The following COG3 variants were observed in gnomAD, a reference collection of about 807,000 sequenced individuals.
The protein encoded by COG3 is component of oligomeric golgi complex 3.
Under a neutral mutation model 114.1 loss-of-function variants are expected in COG3, and 32 were observed. The ratio of observed to expected loss-of-function variants is 0.28; its 90% CI spans 0.21 to 0.38. COG3 has a LOEUF of 0.38. Among genes scored for constraint, COG3 ranks in the 10% least tolerant of loss-of-function variants. The probability of loss-of-function intolerance (pLI) is 1.00; values close to 1 mark genes in which losing one functional copy is unlikely to be tolerated. For synonymous variants in COG3, 352 were observed against 365.7 expected, an observed-to-expected ratio of 0.96 and a Z score of 0.43; for missense variants, 813 against 973.2, an observed-to-expected ratio of 0.84 and a Z score of 2.19.
chr13:45,491,433 T>C lies in COG3; in HGVS notation c.990T>C (p.Asp330=). Residue 330 remains aspartate (D), a synonymous_variant, in exon 10 of 23, where the codon GAT becomes GAC. Coordinates refer to ENST00000349995, the MANE Select transcript of COG3 (RefSeq NM_031431.4). ...KIPEYQQLLN[D]IHQCYLDQRE... ...TCAGATACCAACAACTGCTAAATGATATCCACCAGTGTTACCTTGATCAGC... is the reference window on the plus strand; with the variant it reads ...TCAGATACCAACAACTGCTAAATGACATCCACCAGTGTTACCTTGATCAGC... The C allele has an allele frequency of 6.2e-7, 1 of 1,611,426 alleles. No individual in the cohort carries two copies. Among genetic ancestry groups the C allele is most frequent in the Non-Finnish European group, 8.5e-7 (1 of 1,179,182 alleles).
chr13:45,524,619 C>T (rs896739797), intron 19 of COG3, among the ~76,000 whole-genome samples: 4 of 152,180 alleles, frequency 2.6e-5, no homozygotes, highest in African/African-American at 9.7e-5. Flanking sequence ...TTAATATTGA[C>T]GTAACAGTCC....
chr13:45,530,118 C>T (rs1873038193), intron 21 of COG3, among the ~76,000 whole-genome samples, 200 bp downstream of exon 21: 1 of 152,136 alleles, frequency 6.6e-6, no homozygotes, highest in Non-Finnish European at 1.5e-5. Context: ...GTCACTTTGT[C>T]TTAAGTTTTT....
intron 7 of COG3, among the ~76,000 whole-genome samples, chr13:45,483,779 A>G (rs904663054): frequency 1.3e-5 from 2 of 152,184 alleles, no homozygotes; most frequent in Non-Finnish European, 2.9e-5. Context: ...GCATAATTTA[A>G]ATTTTCTTCT....
At position 45,486,511 on chromosome 13, in the gene COG3, C is replaced by A; in HGVS notation, c.860C>A (p.Pro287His). 1 of 1,606,116 alleles carries A rather than the reference C, an allele frequency of 6.2e-7. No individual in the cohort carries two copies. Among genetic ancestry groups the A allele is most frequent in the Non-Finnish European group, 8.5e-7 (1 of 1,172,824 alleles). ...TTTCTTTAGGATCCTTCATCTGTAC[C>A]TAATGCAGACAATGCCTTCACATTA... is the stretch of plus-strand genomic sequence containing the variant. ...QLLKRDPSSV[P>H]NADNAFTLFY... Residue 287 changes from proline to histidine, a missense_variant, in exon 8 of 23, where the codon CCT becomes CAT. Physicochemically the swap from Pro to His is moderately conservative, Grantham distance 77 (BLOSUM62 -2). Transcript: ENST00000349995.
rs1341511725 is a variant in COG3, at chr13:45,536,645, A to G, written c.*1914A>G. Reference sequence around the variant, plus strand: ...TTCCTACCTTGTCCTCACGTGTCTGATACGTGTGTGCATTCCTTGAGGAAA... The same window carrying G: ...TTCCTACCTTGTCCTCACGTGTCTGGTACGTGTGTGCATTCCTTGAGGAAA... On this transcript the variant is annotated 3_prime_UTR_variant, in exon 23 of 23. Coordinates refer to ENST00000349995, the MANE Select transcript of COG3 (RefSeq NM_031431.4). 1 of 152,236 alleles carries G rather than the reference A, an allele frequency of 6.6e-6. No individual in the cohort carries two copies. Among genetic ancestry groups the G allele is most frequent in the African/African-American group, 2.4e-5 (1 of 41,456 alleles). The allele number at this position is 152,236 out of a possible 1,614,324, so 9.4% of individuals were successfully genotyped here. A position where few individuals can be genotyped will look rare whatever the true frequency, so the allele number is the denominator to read the frequency against.
chr13:45,524,373 C>T (rs1412870677), intron 19 of COG3, among the ~76,000 whole-genome samples: 1 of 152,104 alleles, frequency 6.6e-6, no homozygotes, highest in Non-Finnish European at 1.5e-5. Flanking sequence ...TTTTTGGATC[C>T]ACTTCTCTAT....
chr13:45,515,256 T>G (rs1324355235), intron 16 of COG3, among the ~76,000 whole-genome samples: 1 of 152,236 alleles, frequency 6.6e-6, no homozygotes, highest in South Asian at 2.1e-4. Flanking sequence ...AGTCACTGAT[T>G]ATGTTTATTA....
chr13:45,525,941 G>C (rs2137921076), intron 20 of COG3, among the ~76,000 whole-genome samples: 1 of 151,722 alleles, frequency 6.6e-6, no homozygotes. Flanking sequence ...TGAAAAATTG[G>C]CATGCACAGT....
At chr13:45,518,591 G>A (rs1190416188) in intron 17 of COG3, among the ~76,000 whole-genome samples, 171 bp from the exon 18 acceptor site, 1 of 152,146 alleles carries the variant, frequency 6.6e-6, no homozygotes, top group Admixed American at 6.5e-5. Context: ...ATAACTCTGT[G>A]AGTACTGTAG....
Position 45,534,736 on chromosome 13 carries a change from G to T in COG3, c.*5G>T, listed in dbSNP as rs1425045008. On this transcript the variant is annotated 3_prime_UTR_variant, in exon 23 of 23. Transcript: ENST00000349995. The stretch of plus-strand genomic sequence containing the variant: ...CTGCTGTTGGTTTCTAAATAAGCAG[G>T]CCAGCCGGGCTGTGCACCTAAATGT... 2 of 1,559,342 alleles carry T rather than the reference G, an allele frequency of 1.3e-6. No individual in the cohort carries two copies. The highest frequency in any genetic ancestry group is 2.4e-5 in the East Asian group (1 of 42,410).
At chr13:45,494,501 T>A (rs1315266803) in intron 12 of COG3, among the ~76,000 whole-genome samples, 1 of 152,152 alleles carries the variant, frequency 6.6e-6, no homozygotes, top group African/African-American at 2.4e-5. Context: ...TTGCTTCTGA[T>A]TTTAAAATTC....
At chr13:45,496,108 T>G (rs1331445618) in intron 12 of COG3, 44 bp from the exon 13 acceptor site, 2 of 1,562,644 alleles carry the variant, frequency 1.3e-6, no homozygotes, top group African/African-American at 2.8e-5. Flanking sequence ...AAAGAAAGTG[T>G]TTTTCTAAAT....
At chr13:45,525,938 T>C (rs1872639794) in intron 20 of COG3, among the ~76,000 whole-genome samples, 1 of 151,756 alleles carries the variant, frequency 6.6e-6, no homozygotes, top group Non-Finnish European at 1.5e-5. Flanking sequence ...CCATGAAAAA[T>C]TGGCATGCAC....
At chr13:45,517,342 T>G (rs1325114007) in intron 17 of COG3, among the ~76,000 whole-genome samples, 98 of 152,324 alleles carry the variant, frequency 6.4e-4, no homozygotes, top group Non-Finnish European at 1.3e-3. Flanking sequence ...ATAGTGGATT[T>G]GATTTAACTC....
At chr13:45,476,500 G>C (rs1442354862) in intron 2 of COG3, among the ~76,000 whole-genome samples, 153 bp downstream of exon 2, 1 of 152,178 alleles carries the variant, frequency 6.6e-6, no homozygotes, top group Non-Finnish European at 1.5e-5. Context: ...AGTTGTGGCT[G>C]TTTACGTGTT....
At chr13:45,496,432 C>A in intron 13 of COG3, 120 bp downstream of exon 13, 1 of 776,236 alleles carries the variant, frequency 1.3e-6, no homozygotes. Context: ...GTTGCCCAGG[C>A]TGGTCTCGAA....
intron 14 of COG3, among the ~76,000 whole-genome samples, chr13:45,508,502 A>G (rs1055367662): frequency 6.6e-6 from 1 of 151,230 alleles, no homozygotes; most frequent in Non-Finnish European, 1.5e-5. Context: ...ATATTTTATG[A>G]ACCATTTTAA....
chr13:45,525,634 GTTTTTT>G (rs59577529), intron 20 of COG3, among the ~76,000 whole-genome samples: 13 of 56,646 alleles, frequency 2.3e-4, no homozygotes, highest in South Asian at 8.9e-4. Context: ...AGGGCTTTGG[GTTTTTT>G]TTTTTTTTTT....
At chr13:45,486,034 G>A (rs1449289570) in intron 7 of COG3, among the ~76,000 whole-genome samples, 1 of 96,294 alleles carries the variant, frequency 1.0e-5, no homozygotes, top group African/African-American at 5.7e-5. Context: ...TGAGCACTGA[G>A]TGAACGAGAC....
Sources: allele counts gnomAD v4.1 joint callset (sites outside exome capture counted in the v4.1 genomes callset), GRCh38; gene constraint gnomAD v4.1.1; transcripts MANE v1.5; gene names NCBI Gene and HGNC (gene_info 2026-07-23, HGNC 2026-07-21).